NDST4: variants seen among roughly 807,000 people sequenced by gnomAD.
The protein encoded by NDST4 is N-deacetylase and N-sulfotransferase 4.
In NDST4, 63 loss-of-function variants were observed where a neutral mutation model predicts 100.8. The observed-to-expected ratio is 0.62, with a 90% confidence interval of 0.51 to 0.77. The LOEUF (loss-of-function observed/expected upper bound fraction) is 0.77, where lower values mean the gene tolerates loss of function less well. Among genes scored for constraint, NDST4 ranks in the 30% least tolerant of loss-of-function variants. NDST4 has a pLI of 0.00. For synonymous variants in NDST4, 377 were observed against 361.8 expected, an observed-to-expected ratio of 1.04 and a Z score of -0.48; for missense variants, 943 against 1,018.4, an observed-to-expected ratio of 0.93 and a Z score of 1.01.
At position 114,903,407 on chromosome 4, in the gene NDST4, G is replaced by A. The variant is rs1427111319; in HGVS notation, c.1536+31799C>T. On this transcript the variant is annotated intron_variant, in intron 6 of 13. Coordinates refer to ENST00000264363, the MANE Select transcript of NDST4 (RefSeq NM_022569.3). ...GGTAAAAGTTACAGAAGTGTGGGGGGCCTTATGACTGGGTTTCCCTGGAGT... is the reference window on the plus strand; with the variant it reads ...GGTAAAAGTTACAGAAGTGTGGGGGACCTTATGACTGGGTTTCCCTGGAGT... 2.6e-5 allele frequency among the ~76,000 whole-genome samples: 4 copies of A among 152,004 alleles called. No homozygotes were observed. The East Asian group carries it at 7.7e-4, about 29-fold the overall frequency.
chr4:115,047,246 A>T (rs1164477929), intron 2 of NDST4, among the ~76,000 whole-genome samples: 1 of 152,126 alleles, frequency 6.6e-6, no homozygotes, highest in East Asian at 1.9e-4. Context: ...AATGAGTTTT[A>T]TGTGTCAAAC....
chr4:114,912,586 C>A (rs1384712366), intron 6 of NDST4, among the ~76,000 whole-genome samples: 1 of 152,130 alleles, frequency 6.6e-6, no homozygotes, highest in Non-Finnish European at 1.5e-5. Flanking sequence ...TAGAATTAAA[C>A]CTTCAAAGAA....
At chr4:114,860,365 G>T (rs1451114761) in intron 7 of NDST4, among the ~76,000 whole-genome samples, 1 of 152,120 alleles carries the variant, frequency 6.6e-6, no homozygotes, top group Non-Finnish European at 1.5e-5. Flanking sequence ...GTCGATAATG[G>T]AGCATCCCCT....
chr4:114,953,265 C>A (rs548789002), intron 4 of NDST4, among the ~76,000 whole-genome samples: 3 of 151,920 alleles, frequency 2.0e-5, no homozygotes, highest in Non-Finnish European at 4.4e-5. Flanking sequence ...CATTTGATTT[C>A]GAAACTGAGA....
intron 2 of NDST4, among the ~76,000 whole-genome samples, chr4:115,003,453 C>G (rs532729574): frequency 6.6e-6 from 1 of 152,098 alleles, no homozygotes; most frequent in East Asian, 1.9e-4. Flanking sequence ...GTCTATTATT[C>G]TCCAGATTTT....
At chr4:115,098,484 G>T (rs745991419) in intron 1 of NDST4, among the ~76,000 whole-genome samples, 2 of 151,978 alleles carry the variant, frequency 1.3e-5, no homozygotes, top group Non-Finnish European at 2.9e-5. Flanking sequence ...AAAAGAACAC[G>T]CAAAGTATAT....
chr4:115,029,472 T>G (rs1046299672), intron 2 of NDST4, among the ~76,000 whole-genome samples: 1 of 152,118 alleles, frequency 6.6e-6, no homozygotes, highest in Admixed American at 6.6e-5. Flanking sequence ...AAAAGTTTCT[T>G]GTCCTCTCAG....
At chr4:114,933,200 T>C (rs1284910619) in intron 6 of NDST4, among the ~76,000 whole-genome samples, 1 of 151,958 alleles carries the variant, frequency 6.6e-6, no homozygotes, top group Non-Finnish European at 1.5e-5. Context: ...TTGCCAGAGG[T>C]TGCAAGAATA....
intron 4 of NDST4, among the ~76,000 whole-genome samples, chr4:114,939,735 G>A (rs1442075624): frequency 6.6e-6 from 1 of 151,658 alleles, no homozygotes; most frequent in East Asian, 1.9e-4. Flanking sequence ...AGGAAGGGCA[G>A]TAAAAAAAAG....
At chr4:115,004,884 A>T (rs575802214) in intron 2 of NDST4, among the ~76,000 whole-genome samples, 16 of 152,240 alleles carry the variant, frequency 1.1e-4, no homozygotes, top group African/African-American at 3.6e-4. Context: ...TTACAGCTTA[A>T]TTTTCAGGTG....
chr4:114,986,565 A>G lies in NDST4; in HGVS notation c.979-9291T>C, dbSNP rs111896163. ...CTTATAAGTCCTAATCTCTCTTTCA[A>G]TTGTATCTTATTTCAGTTCATAAAG... On this transcript the variant is annotated intron_variant, in intron 2 of 13. Transcript: ENST00000264363. Among the ~76,000 whole-genome samples the G allele has an allele frequency of 7.4e-3, 1,119 of 151,838 alleles. 23 individuals carry two copies. Among genetic ancestry groups the G allele is most frequent in the African/African-American group, 0.025 (1,036 of 41,398 alleles).
chr4:114,912,490 T>G (rs1304928362), intron 6 of NDST4, among the ~76,000 whole-genome samples: 1 of 152,122 alleles, frequency 6.6e-6, no homozygotes, highest in African/African-American at 2.4e-5. Context: ...CTGACGTACT[T>G]GTAGTACAGC....
chr4:114,954,038 T>C (rs886802516), intron 4 of NDST4, among the ~76,000 whole-genome samples: 1 of 152,140 alleles, frequency 6.6e-6, no homozygotes, highest in Non-Finnish European at 1.5e-5. Flanking sequence ...CCTAAGACTA[T>C]TTTACTGATC....
chr4:114,846,562 G>A (rs1723553680), intron 9 of NDST4, among the ~76,000 whole-genome samples: 1 of 152,086 alleles, frequency 6.6e-6, no homozygotes, highest in South Asian at 2.1e-4. Flanking sequence ...GAGTAATTAA[G>A]GGGATATTTC....
intron 6 of NDST4, among the ~76,000 whole-genome samples, chr4:114,875,890 T>G (rs560321431): frequency 6.6e-6 from 1 of 152,338 alleles, no homozygotes; most frequent in Non-Finnish European, 1.5e-5. Flanking sequence ...TATTGTAAAC[T>G]GTATGATCAT....
At chr4:114,888,292 T>C (rs2126204871) in intron 6 of NDST4, among the ~76,000 whole-genome samples, 1 of 152,142 alleles carries the variant, frequency 6.6e-6, no homozygotes, top group African/African-American at 2.4e-5. Context: ...AGAACTCATC[T>C]TAGAATGTAA....
In NDST4 at chr4:115,076,203, C is replaced by G; in HGVS notation, c.834G>C (p.Trp278Cys). 6.2e-7 allele frequency: 1 copy of G among 1,613,932 alleles called. No individual in the cohort carries two copies. Residue 278 changes from tryptophan to cysteine, a missense_variant, in exon 2 of 14, where the codon TGG (tryptophan) becomes TGC (cysteine). Physicochemically the swap from Trp to Cys is radical, Grantham distance 215 (BLOSUM62 -2). Coordinates refer to ENST00000264363, the MANE Select transcript of NDST4 (RefSeq NM_022569.3). ...RVLFGNNLNF[W>C]LHKLIFIDAI... ...CATCTATGAAGATGAGCTTGTGCAG[C>G]CAAAAGTTCAAGTTGTTGCCAAAAA... is the stretch of plus-strand genomic sequence containing the variant.
intron 11 of NDST4, among the ~76,000 whole-genome samples, chr4:114,836,529 C>T (rs1403637383): frequency 2.6e-5 from 4 of 152,178 alleles, no homozygotes; most frequent in Non-Finnish European, 4.4e-5. Context: ...CCTGACCTTT[C>T]TCTCTGGCTG....
chr4:114,841,297 G>C (rs1404853093), intron 10 of NDST4, among the ~76,000 whole-genome samples: 2 of 152,296 alleles, frequency 1.3e-5, no homozygotes, highest in East Asian at 3.9e-4. Flanking sequence ...TACAGCGGCA[G>C]GTGACATTTG....
Sources: allele counts gnomAD v4.1 joint callset (sites outside exome capture counted in the v4.1 genomes callset), GRCh38; gene constraint gnomAD v4.1.1; transcripts MANE v1.5; gene names NCBI Gene and HGNC (gene_info 2026-07-23, HGNC 2026-07-21).